COCH: variants seen among roughly 807,000 people sequenced by gnomAD.
COCH encodes the protein coagulation factor C homolog, cochlin (Limulus polyphemus).
A neutral mutation model predicts 54.8 loss-of-function variants in COCH; 40 were observed. The ratio of observed to expected loss-of-function variants is 0.73; its 90% confidence interval spans 0.57 to 0.95. The LOEUF (loss-of-function observed/expected upper bound fraction) is 0.95. COCH is among the 40% of genes least tolerant of loss of function. The pLI, the probability that COCH is intolerant of heterozygous loss-of-function variation, is 0.00. For missense variants in COCH, 605 were observed against 675.0 expected, an observed-to-expected ratio of 0.90 and a Z score of 1.15; for synonymous variants, 256 against 237.9, an observed-to-expected ratio of 1.08 and a Z score of -0.70.
downstream of COCH, chr14:30,894,893 C>T (rs200013117): frequency 4.0e-4 from 294 of 741,730 alleles, no homozygotes; most frequent in Admixed American, 2.2e-3. Flanking sequence ...TTTTCTTTTT[C>T]TTTTTTTTTT....
chr14:30,893,631 C>T (rs11629300), downstream of COCH, among the ~76,000 whole-genome samples: 142,783 of 152,228 alleles, frequency 0.94, 67,097 homozygotes, highest in South Asian at 0.96. Context: ...CTGTGCATTT[C>T]TGGGGGTTAT....
chr14:30,875,418 C>G (rs373344900), intron 3 of COCH: 10 of 596,134 alleles, frequency 1.7e-5, no homozygotes, highest in Non-Finnish European at 2.4e-5. Flanking sequence ...AGCAGGAGGT[C>G]GAGGAAGGAG....
rs757286862 is a variant in COCH, at chr14:30,880,538, T to C, written c.481+42T>C. 1.9e-6 allele frequency: 3 copies of C among 1,614,134 alleles called. No individual in the cohort carries two copies. The Admixed American group carries it at 5.0e-5, about 27-fold the overall frequency. ...CCATTTGGGAAGGTAGCATTTTCCC[T>C]CCCTCCTCTTGAGACTGCTAATGAG... On this transcript the variant is annotated intron_variant, in intron 7 of 11. Transcript: ENST00000396618.
chr14:30,894,933 A>G, downstream of COCH: 1 of 1,113,836 alleles, frequency 9.0e-7, no homozygotes, highest in Non-Finnish European at 1.1e-6. Flanking sequence ...TTAAAAGGGA[A>G]TCTGTGGCAT....
chr14:30,874,826 C>A (rs1895293125), intron 1 of COCH, 90 bp from the exon 2 acceptor site: 1 of 1,278,592 alleles, frequency 7.8e-7, no homozygotes, highest in South Asian at 1.2e-5. Context: ...CTGCGCCGCG[C>A]CCGGGGATCC....
intron 11 of COCH, among the ~76,000 whole-genome samples, chr14:30,888,134 T>A (rs961754814): frequency 2.4e-4 from 37 of 151,684 alleles, no homozygotes; most frequent in Non-Finnish European, 3.8e-4. Context: ...TGTGATTATT[T>A]TTTTTTTTAA....
chr14:30,884,910 A>G (rs776917745), intron 9 of COCH: 2 of 1,595,752 alleles, frequency 1.3e-6, no homozygotes, highest in African/African-American at 2.7e-5. Context: ...GATTGACTAG[A>G]TATAACATTG....
intron 8 of COCH, among the ~76,000 whole-genome samples, chr14:30,881,928 C>A (rs1895606006): frequency 6.6e-6 from 1 of 151,618 alleles, no homozygotes; most frequent in Non-Finnish European, 1.5e-5. Context: ...CGTGCCACTG[C>A]ACTCCAGCCT....
chr14:30,884,486 G>A, intron 8 of COCH, 67 bp from the exon 9 acceptor site: 1 of 1,065,496 alleles, frequency 9.4e-7, no homozygotes, highest in Admixed American at 1.8e-5. Context: ...TGTTTTTTAA[G>A]GCATGTAATG....
At chr14:30,888,616 A>G (rs1479052380) in intron 11 of COCH, among the ~76,000 whole-genome samples, 3 of 151,984 alleles carry the variant, frequency 2.0e-5, no homozygotes, top group South Asian at 2.1e-4. Context: ...GTGAAACCCC[A>G]TCTCTACAAA....
At chr14:30,883,104 GTC>G (rs1039445074) in intron 8 of COCH, among the ~76,000 whole-genome samples, 95 of 152,030 alleles carry the variant, frequency 6.2e-4, no homozygotes, top group African/African-American at 2.0e-3. Context: ...TTAACCATTT[GTC>G]TCTCACCCTT....
intron 11 of COCH, chr14:30,889,363 T>C: frequency 2.1e-6 from 1 of 467,850 alleles, no homozygotes; most frequent in Non-Finnish European, 3.9e-6. Flanking sequence ...ATCAAATTAT[T>C]TCTTATCAGT....
At chr14:30,875,449 G>A (rs986425732) in intron 3 of COCH, 4 of 585,774 alleles carry the variant, frequency 6.8e-6, no homozygotes, top group Non-Finnish European at 1.2e-5. Flanking sequence ...GCCTCACCGA[G>A]GAGCGCACCA....
In COCH at chr14:30,884,397, C is replaced by T. The variant is rs1038260226; in HGVS notation, c.630-156C>T. On this transcript the variant is annotated intron_variant, in intron 8 of 11. Transcript: ENST00000396618. Reference sequence around the variant, plus strand: ...CACCTCTGAAATATCTCCAATAATTCAAGTAAGGATGCAATGCCTCAGTTG... The same window carrying T: ...CACCTCTGAAATATCTCCAATAATTTAAGTAAGGATGCAATGCCTCAGTTG... The T allele has an allele frequency of 4.8e-6, 3 of 620,436 alleles. No individual in the cohort carries two copies. In the African/African-American group the frequency reaches 5.5e-5, roughly 11 times the overall value. 38.4% of individuals were successfully genotyped at this position (620,436 alleles called of 1,614,324 possible).
chr14:30,886,337 G>A (rs773175735), intron 11 of COCH, 25 bp downstream of exon 11: 33 of 1,612,818 alleles, frequency 2.0e-5, no homozygotes, highest in Admixed American at 3.3e-5. Context: ...CTTTATAGGA[G>A]AAGGGAACAG....
intron 11 of COCH, among the ~76,000 whole-genome samples, chr14:30,888,695 TGAG>T (rs770027775): frequency 4.0e-5 from 6 of 150,888 alleles, no homozygotes; most frequent in African/African-American, 7.3e-5. Flanking sequence ...ATGGGGGTGC[TGAG>T]GAGGATAGTT....
chr14:30,892,112 T>C (rs527765012), downstream of COCH, among the ~76,000 whole-genome samples: 1 of 151,668 alleles, frequency 6.6e-6, no homozygotes, highest in South Asian at 2.1e-4. Flanking sequence ...TACTATTTAA[T>C]AGTGAAATTA....
chr14:30,880,823 T>C (rs907091119), intron 8 of COCH, 89 bp downstream of exon 8: 6 of 982,466 alleles, frequency 6.1e-6, no homozygotes, highest in South Asian at 1.3e-5. Flanking sequence ...GGGTACATAG[T>C]GATGTTTTCA....
rs1224796113 is a variant in COCH, at chr14:30,885,507, G to A, written c.847G>A (p.Glu283Lys). ...TGATGGTTGGCCTTCTGATGACATC[G>A]AGGAAGCAGGCATTGTGGCCAGAGA... ...FIDGWPSDDIEEAGIVAREFG... is the reference protein window; with the variant it reads ...FIDGWPSDDIKEAGIVAREFG... The change falls in exon 10 of 12, where the codon GAG (glutamate) becomes AAG (lysine). Residue 283 changes from glutamate (E) to lysine (K), a missense_variant. By Grantham distance (56) the Glu-to-Lys change is moderately conservative. Coordinates refer to ENST00000396618, the MANE Select transcript of COCH (RefSeq NM_004086.3). 3.7e-6 allele frequency: 6 copies of A among 1,613,482 alleles called. No homozygotes were observed. The highest frequency in any genetic ancestry group is 5.1e-6 in the Non-Finnish European group (6 of 1,179,390).
Sources: allele counts gnomAD v4.1 joint callset (sites outside exome capture counted in the v4.1 genomes callset), GRCh38; gene constraint gnomAD v4.1.1; transcripts MANE v1.5; gene names NCBI Gene and HGNC (gene_info 2026-07-23, HGNC 2026-07-21).